Variants in NAV1 observed in about 807,000 individuals in gnomAD.
The protein encoded by NAV1 is neuron navigator 1, also known as pore membrane and/or filament interacting like protein 3.
Under a neutral mutation model 175.2 loss-of-function variants are expected in NAV1, and 18 were observed. The ratio of observed to expected loss-of-function variants is 0.10; its 90% CI spans 0.07 to 0.15. The LOEUF (loss-of-function observed/expected upper bound fraction) is 0.15. Ranked by LOEUF, NAV1 falls within the 10% of genes least tolerant of loss-of-function variation. NAV1 has a pLI of 1.00. For missense variants in NAV1, 1,731 were observed against 2,436.6 expected, an observed-to-expected ratio of 0.71 and a Z score of 6.10; for synonymous variants, 897 against 978.7, an observed-to-expected ratio of 0.92 and a Z score of 1.56.
At chr1:201,552,924 T>G (rs943302270) in intron 1 of NAV1, among the ~76,000 whole-genome samples, 1 of 152,140 alleles carries the variant, frequency 6.6e-6, no homozygotes, top group African/African-American at 2.4e-5. Context: ...AAGGGTTATC[T>G]GTGGTGCTGG....
chr1:201,558,729 C>T (rs762630949), intron 1 of NAV1, among the ~76,000 whole-genome samples: 2 of 152,122 alleles, frequency 1.3e-5, no homozygotes, highest in Admixed American at 6.5e-5. Context: ...GGATTACAGG[C>T]GTGAGCCACC....
rs190200767 is a variant in NAV1, at chr1:201,561,721, A to C, written c.-144+22379A>C. 3.3e-3 allele frequency among the ~76,000 whole-genome samples: 508 copies of C among 152,128 alleles called. 3 individuals carry two copies. Among genetic ancestry groups the C allele is most frequent in the African/African-American group, 0.011 (457 of 41,474 alleles). Reference sequence around the variant, plus strand: ...GTTCTGTCTCTTCCATTAGTGTAGGATCTGGTTAAGGACAAGGCTGTGTTT... The same window carrying C: ...GTTCTGTCTCTTCCATTAGTGTAGGCTCTGGTTAAGGACAAGGCTGTGTTT... On this transcript the variant is annotated intron_variant, in intron 1 of 33. Coordinates refer to the NAV1 transcript ENST00000685211.
In NAV1 at chr1:201,813,086, A is replaced by C. The variant is rs1678793834; in HGVS notation, c.5222-54A>C. On this transcript the variant is annotated intron_variant, in intron 27 of 29. Coordinates refer to ENST00000367296, the Ensembl canonical transcript of NAV1. The surrounding 1 kb of genome is among the most constrained non-coding windows in gnomAD (Gnocchi z 4.2). The stretch of plus-strand genomic sequence containing the variant: ...GTACTAAGGAGTAAAAGAGGCACAC[A>C]ACCGGGAAGATCTAGGTTCCCAGCC... 7.6e-7 allele frequency: 1 copy of C among 1,311,440 alleles called. No individual in the cohort carries two copies. Among genetic ancestry groups the C allele is most frequent in the East Asian group, 2.3e-5 (1 of 43,500 alleles). 81.2% of individuals were successfully genotyped at this position (1,311,440 alleles called of 1,614,324 possible). A position where few individuals can be genotyped will look rare whatever the true frequency, so the allele number is the denominator to read the frequency against.
intron 3 of NAV1, among the ~76,000 whole-genome samples, chr1:201,771,217 C>T (rs931417040): frequency 9.7e-5 from 12 of 123,112 alleles, no homozygotes; most frequent in Admixed American, 5.8e-4. Flanking sequence ...CCAGCCTGGG[C>T]GACAGAGCGA....
At chr1:201,818,966 G>A (rs1679229898) in intron 29 of NAV1, among the ~76,000 whole-genome samples, 1 of 152,172 alleles carries the variant, frequency 6.6e-6, no homozygotes, top group African/African-American at 2.4e-5. Context: ...AACAGAAAAT[G>A]CACCAGGCTT....
At position 201,809,156 on chromosome 1, in the gene NAV1, C is replaced by G. The variant is rs372727338; in HGVS notation, c.4208-8C>G. The G allele has an allele frequency of 6.2e-7, 1 of 1,613,284 alleles. No individual in the cohort carries two copies. ...CTAAAACCAGTTGGTTCTTTTCAAT[C>G]CCCACAGACCTGTCACCCATGGATG... On this transcript the variant is annotated splice_polypyrimidine_tract_variant and splice_region_variant and intron_variant, in intron 20 of 29. Coordinates refer to ENST00000367296, the Ensembl canonical transcript of NAV1.
chr1:201,671,611 G>C (rs747212262), intron 1 of NAV1, among the ~76,000 whole-genome samples: 14 of 152,172 alleles, frequency 9.2e-5, no homozygotes, highest in Non-Finnish European at 1.2e-4. Context: ...GCTGTGCGGA[G>C]GACCAAATGA....
chr1:201,782,721 G>C lies in NAV1; in HGVS notation c.2209G>C (p.Glu737Gln), dbSNP rs765917002. The change falls in exon 6 of 30, where the codon GAA (glutamate) becomes CAA (glutamine). Residue 737 changes from glutamate to glutamine, a missense_variant. Coordinates refer to ENST00000367296, the Ensembl canonical transcript of NAV1. The surrounding 1 kb of genome is among the most constrained non-coding windows in gnomAD (Gnocchi z 5.4). ...AGCCCCTGTCAATCAGACAGATCGG[G>C]AAAAGGAGAAGGCCAAAGCCAAGGC... 3.1e-6 allele frequency: 5 copies of C among 1,614,040 alleles called. No individual in the cohort carries two copies. Among genetic ancestry groups the C allele is most frequent in the Non-Finnish European group, 4.2e-6 (5 of 1,180,040 alleles).
chr1:201,623,451 G>A, exon 1 of NAV1: 1 of 985,972 alleles, frequency 1.0e-6, no homozygotes, highest in Non-Finnish European at 1.2e-6. Flanking sequence ...CCAGGTCTTT[G>A]GAGCCTGATG....
chr1:201,794,504 T>C (rs1477675147), exon 15 of NAV1: 1 of 1,613,750 alleles, frequency 6.2e-7, no homozygotes, highest in Admixed American at 1.7e-5. Context: ...CCATAGACTT[T>C]CTGAAGAAAA....
At position 201,718,652 on chromosome 1, in the gene NAV1, G is replaced by A. The variant is rs570396902; in HGVS notation, c.1123G>A (p.Val375Ile). 1 of 1,614,194 alleles carries A rather than the reference G, an allele frequency of 6.2e-7. No homozygotes were observed. The highest frequency in any genetic ancestry group is 1.3e-5 in the African/African-American group (1 of 75,036). Residue 375 changes from valine to isoleucine, a missense_variant, in exon 3 of 30, where the codon GTC becomes ATC. By Grantham distance (29) the Val-to-Ile change is conservative. Around this residue, in one of 13 missense-constraint regions of NAV1, gnomAD observed 487 missense variants for 581.3 expected, o/e 0.84. Transcript: ENST00000367296. This position sits in a 1 kb window ranked among gnomAD's most constrained non-coding sequence, Gnocchi z 4.8. ...CAGCCATATCTCCCGCCTGGAGCTG[G>A]TCGAATCCCTGGACTCGGATGAGGT...
intron 1 of NAV1, among the ~76,000 whole-genome samples, chr1:201,661,117 C>G (rs1669598262): frequency 6.6e-6 from 1 of 152,172 alleles, no homozygotes; most frequent in Non-Finnish European, 1.5e-5. Flanking sequence ...TTAAACAAGG[C>G]TTGATTCAGG....
chr1:201,556,650 A>G lies in NAV1; in HGVS notation c.-144+17308A>G, dbSNP rs1312935603. On this transcript the variant is annotated intron_variant, in intron 1 of 33. Transcript: ENST00000685211. ...CAGGCAAGGGGAGAAAAATACTTGG[A>G]CTCTTCCCCTCTGCTGTCCTAGCCC... Among the ~76,000 whole-genome samples, 11 of 151,818 alleles carry G rather than the reference A, an allele frequency of 7.2e-5. No homozygotes were observed. The South Asian group carries it at 1.0e-3, about 14-fold the overall frequency.
intron 3 of NAV1, among the ~76,000 whole-genome samples, chr1:201,736,009 G>A (rs1342283814): frequency 6.6e-6 from 1 of 152,118 alleles, no homozygotes; most frequent in East Asian, 1.9e-4. Flanking sequence ...TCACTCTGCT[G>A]TAAAATGCCC....
intron 3 of NAV1, among the ~76,000 whole-genome samples, chr1:201,735,191 G>A (rs1370653522): frequency 6.6e-6 from 1 of 152,136 alleles, no homozygotes; most frequent in African/African-American, 2.4e-5. Context: ...CCCACACCAG[G>A]GAGGGAGTTG....
intron 2 of NAV1, among the ~76,000 whole-genome samples, chr1:201,713,177 GAAGTGGAAGCCATTACACAGCTC>G (rs891972678): frequency 6.6e-6 from 1 of 152,216 alleles, no homozygotes; most frequent in African/African-American, 2.4e-5. Flanking sequence ...TAGGAGCCAG[GAAGTGGAAGCCATTACACAGCTC>G]AATGTGTGAT....
chr1:201,782,066 G>T lies in NAV1; in HGVS notation c.1664-110G>T. On this transcript the variant is annotated intron_variant, in intron 5 of 29. Coordinates refer to ENST00000367296, the Ensembl canonical transcript of NAV1. The surrounding 1 kb of genome is among the most constrained non-coding windows in gnomAD (Gnocchi z 5.4). ...TTTACCCAAATTTAGGCCTCTAAAA[G>T]TCTACAATACATGGACAATGTTCCC... 1 of 1,007,604 alleles carries T rather than the reference G, an allele frequency of 9.9e-7. No individual in the cohort carries two copies. Among genetic ancestry groups the T allele is most frequent in the Admixed American group, 2.5e-5 (1 of 40,326 alleles). 62.4% of individuals were successfully genotyped at this position (1,007,604 alleles called of 1,614,324 possible). A position where few individuals can be genotyped will look rare whatever the true frequency, so the allele number is the denominator to read the frequency against.
chr1:201,568,666 A>C (rs2102167798), intron 1 of NAV1, among the ~76,000 whole-genome samples: 1 of 152,108 alleles, frequency 6.6e-6, no homozygotes, highest in East Asian at 1.9e-4. Context: ...AAGCACTCCT[A>C]CCTCATGAAG....
At chr1:201,727,408 A>G (rs1250647930) in intron 3 of NAV1, among the ~76,000 whole-genome samples, 1 of 152,228 alleles carries the variant, frequency 6.6e-6, no homozygotes, top group Non-Finnish European at 1.5e-5. Context: ...GTTCTCGTGC[A>G]GCAAATGGTG....
Sources: allele counts gnomAD v4.1 joint callset (sites outside exome capture counted in the v4.1 genomes callset), GRCh38; gene constraint gnomAD v4.1.1; regional missense constraint gnomAD v4.1.1; non-coding constraint Gnocchi (gnomAD v3.1); transcripts MANE v1.5; gene names NCBI Gene and HGNC (gene_info 2026-07-23, HGNC 2026-07-21).